GRXCR1: variants seen among roughly 807,000 people sequenced by gnomAD.
GRXCR1 encodes the protein glutaredoxin and cysteine rich domain containing 1.
In GRXCR1, 27 loss-of-function variants were observed where a neutral mutation model predicts 27.3. The observed-to-expected ratio is 0.99, with a 90% CI of 0.73 to 1.37. The LOEUF is 1.37. GRXCR1 is among the 40% of genes most tolerant of loss of function. GRXCR1 has a pLI of 0.00. For synonymous variants in GRXCR1, 122 were observed against 131.1 expected (o/e 0.93, Z 0.47); for missense variants, 379 against 354.4 (o/e 1.07, Z -0.56).
chr4:42,994,230 AG>A (rs943127739), intron 2 of GRXCR1, among the ~76,000 whole-genome samples: 3 of 152,154 alleles, frequency 2.0e-5, no homozygotes, highest in Admixed American at 6.6e-5. Flanking sequence ...AAACAGCTGC[AG>A]GGGACAAGGA....
intron 2 of GRXCR1, among the ~76,000 whole-genome samples, chr4:42,975,013 G>C (rs769211497): frequency 1.3e-5 from 2 of 152,048 alleles, no homozygotes; most frequent in African/African-American, 2.4e-5. Flanking sequence ...ACTTCAAAAG[G>C]GTGGTATGAC....
chr4:42,902,595 T>C lies in GRXCR1; in HGVS notation c.384+8945T>C, dbSNP rs149925627. ...AATAGTGCTGCAATGAACATACGTG[T>C]GCATGTATCTTTGTAATGGAATGAG... On this transcript the variant is annotated intron_variant, in intron 1 of 3. Transcript: ENST00000399770. Among the ~76,000 whole-genome samples, 524 of 152,258 alleles carry C rather than the reference T, an allele frequency of 3.4e-3. 4 individuals are homozygous for C. The highest frequency in any genetic ancestry group is 0.012 in the African/African-American group (503 of 41,554).
At chr4:43,019,309 G>A (rs1256652946) in intron 2 of GRXCR1, among the ~76,000 whole-genome samples, 2 of 152,132 alleles carry the variant, frequency 1.3e-5, no homozygotes, top group African/African-American at 4.8e-5. Flanking sequence ...TTACATAAAT[G>A]TATATAGTAA....
rs1746515657 is a variant in GRXCR1 at position 42,903,519 on chromosome 4, A to G, written c.384+9869A>G. ...AGTAGAAATGGGGTTTAACCATGTT[A>G]GCCAGGATGGTCTCTATCTCCAGAC... On this transcript the variant is annotated intron_variant, in intron 1 of 3. Transcript: ENST00000399770. Among the ~76,000 whole-genome samples the G allele has an allele frequency of 3.4e-5, 5 of 146,854 alleles. No homozygotes were observed. In the Admixed American group the frequency reaches 3.6e-4, roughly 10 times the overall value.
At chr4:42,957,514 C>A (rs1363788704) in intron 1 of GRXCR1, among the ~76,000 whole-genome samples, 1 of 151,912 alleles carries the variant, frequency 6.6e-6, no homozygotes, top group East Asian at 1.9e-4. Context: ...GAACTTTCTA[C>A]CCCAATCCCT....
intron 1 of GRXCR1, among the ~76,000 whole-genome samples, chr4:42,901,317 T>A (rs988037450): frequency 1.3e-5 from 2 of 152,164 alleles, no homozygotes; most frequent in African/African-American, 4.8e-5. Context: ...GTTATGGAGG[T>A]CAGAAGCCTG....
chr4:43,000,297 G>C (rs1434770005), intron 2 of GRXCR1, among the ~76,000 whole-genome samples: 1 of 151,968 alleles, frequency 6.6e-6, no homozygotes, highest in Non-Finnish European at 1.5e-5. Flanking sequence ...GGCCAACATG[G>C]TGAAACTGTC....
At chr4:43,011,577 T>A (rs940006856) in intron 2 of GRXCR1, among the ~76,000 whole-genome samples, 7 of 151,796 alleles carry the variant, frequency 4.6e-5, no homozygotes, top group African/African-American at 1.7e-4. Context: ...TTAACCTTGT[T>A]CACACTTCTA....
chr4:42,985,091 CTCTT>C (rs1394976275), intron 2 of GRXCR1, among the ~76,000 whole-genome samples: 10 of 152,120 alleles, frequency 6.6e-5, no homozygotes, highest in Admixed American at 1.3e-4. Flanking sequence ...ATAATATAAA[CTCTT>C]TCTTCTTACT....
chr4:42,914,580 A>C (rs1006426906), intron 1 of GRXCR1, among the ~76,000 whole-genome samples: 6 of 152,070 alleles, frequency 3.9e-5, no homozygotes, highest in African/African-American at 1.4e-4. Context: ...TTTATCTCTG[A>C]TGGGACTTTG....
intron 1 of GRXCR1, among the ~76,000 whole-genome samples, chr4:42,895,492 G>A (rs1746327986): frequency 6.6e-6 from 1 of 152,078 alleles, no homozygotes; most frequent in African/African-American, 2.4e-5. Flanking sequence ...ATTATCTTTA[G>A]TTTCATTGTC....
intron 2 of GRXCR1, among the ~76,000 whole-genome samples, chr4:42,983,351 A>G (rs1424709546): frequency 6.8e-6 from 1 of 147,226 alleles, no homozygotes; most frequent in Admixed American, 6.8e-5. Context: ...GGTTTGTCAA[A>G]GATCAGATAG....
Position 42,933,587 on chromosome 4 carries a change from T to G in GRXCR1, c.385-29305T>G, listed in dbSNP as rs549470303. Among the ~76,000 whole-genome samples the G allele has an allele frequency of 2.6e-5, 4 of 152,004 alleles. No homozygotes were observed. The East Asian group carries it at 7.8e-4, about 30-fold the overall frequency. ...TCATATATTAAAACCTAACCTCCAA[T>G]GGGACAGTGTTAGGAGGTTGGTTTT... On this transcript the variant is annotated intron_variant, in intron 1 of 3. Coordinates refer to ENST00000399770, the MANE Select transcript of GRXCR1 (RefSeq NM_001080476.3).
intron 1 of GRXCR1, among the ~76,000 whole-genome samples, chr4:42,918,550 T>G (rs1040700485): frequency 2.8e-4 from 42 of 152,278 alleles, no homozygotes; most frequent in African/African-American, 9.9e-4. Context: ...TGCTCTGGGC[T>G]GAAGTCCTTT....
chr4:42,949,685 T>A (rs1263912338), intron 1 of GRXCR1, among the ~76,000 whole-genome samples: 1 of 152,164 alleles, frequency 6.6e-6, no homozygotes, highest in Non-Finnish European at 1.5e-5. Context: ...AACCAAGCTT[T>A]CATAAATGGC....
intron 3 of GRXCR1, among the ~76,000 whole-genome samples, chr4:43,025,290 G>A (rs917045081): frequency 6.6e-6 from 1 of 152,134 alleles, no homozygotes; most frequent in African/African-American, 2.4e-5. Flanking sequence ...AAGACTCAGG[G>A]GTGAGGCTGA....
intron 1 of GRXCR1, among the ~76,000 whole-genome samples, chr4:42,903,407 G>C (rs953211334): frequency 1.4e-5 from 2 of 138,484 alleles, no homozygotes; most frequent in Admixed American, 8.2e-5. Flanking sequence ...TGCCTCCTGG[G>C]TTCATGCCAT....
At chr4:42,984,312 C>T (rs1711605993) in intron 2 of GRXCR1, among the ~76,000 whole-genome samples, 1 of 151,964 alleles carries the variant, frequency 6.6e-6, no homozygotes, top group African/African-American at 2.4e-5. Flanking sequence ...AATTGTTTAT[C>T]TGTATTTTCT....
intron 2 of GRXCR1, among the ~76,000 whole-genome samples, chr4:43,015,534 A>G (rs148042588): frequency 0.031 from 4,648 of 152,204 alleles, 77 homozygotes; most frequent in African/African-American, 0.037. Flanking sequence ...AGTTTTATGC[A>G]AGATATTGTT....
Sources: allele counts gnomAD v4.1 joint callset (sites outside exome capture counted in the v4.1 genomes callset), GRCh38; gene constraint gnomAD v4.1.1; transcripts MANE v1.5; gene names NCBI Gene and HGNC (gene_info 2026-07-23, HGNC 2026-07-21).